The following GRIN2A variants were observed in gnomAD, a reference collection of about 807,000 sequenced individuals.
GRIN2A encodes the protein glutamate ionotropic receptor NMDA type subunit 2A, also known as glutamate receptor ionotropic, NMDA 2A.
In GRIN2A, 22 loss-of-function variants were observed where a neutral mutation model predicts 113.4. The ratio of observed to expected loss-of-function variants is 0.19; its 90% CI spans 0.14 to 0.28. The LOEUF (loss-of-function observed/expected upper bound fraction) is 0.28, where lower values mean the gene tolerates loss of function less well. GRIN2A is among the 10% of genes least tolerant of loss of function. The pLI is 1.00. For missense variants in GRIN2A, 1,502 were observed against 1,887.0 expected, an observed-to-expected ratio of 0.80 and a Z score of 3.78; for synonymous variants, 827 against 738.4, an observed-to-expected ratio of 1.12 and a Z score of -1.94.
chr16:9,804,807 C>T (rs540161177), intron 10 of GRIN2A, among the ~76,000 whole-genome samples: 8 of 152,212 alleles, frequency 5.3e-5, no homozygotes, highest in East Asian at 1.9e-4. Context: ...AGTGGCTGTG[C>T]GGGTGCCATT....
rs2141136598 is a variant in GRIN2A at position 9,764,701 on chromosome 16, G to A, written c.2843C>T (p.Ser948Phe). The change falls in exon 13 of 13, where the codon TCC (serine) becomes TTC (phenylalanine). Residue 948 changes from serine (S) to phenylalanine (F), a missense_variant. By Grantham distance (155) the Ser-to-Phe change is radical. This residue lies in a region of GRIN2A where 832 missense variants were observed against 789.7 expected (regional missense o/e 1.05). Transcript: ENST00000330684. ...AAAAATGCTCTCTTTCCCCTGAAAG[G>A]ACCTGTTGTCTGAGTACATCAAATT... ...KGNLMYSDNR[S>F]FQGKESIFGD... is the part of the protein sequence containing the mutation. 1 of 1,614,208 alleles carries A rather than the reference G, an allele frequency of 6.2e-7. No individual in the cohort carries two copies. The highest frequency in any genetic ancestry group is 8.5e-7 in the Non-Finnish European group (1 of 1,180,030).
intron 2 of GRIN2A, among the ~76,000 whole-genome samples, chr16:9,982,362 G>C (rs1386620284): frequency 2.0e-5 from 3 of 152,168 alleles, no homozygotes; most frequent in Non-Finnish European, 2.9e-5. Context: ...AGCAGGCATT[G>C]ACAATAATTG....
chr16:10,017,252 T>C (rs2046627167), intron 2 of GRIN2A, among the ~76,000 whole-genome samples: 1 of 152,088 alleles, frequency 6.6e-6, no homozygotes, highest in Non-Finnish European at 1.5e-5. Flanking sequence ...CAGATAATCA[T>C]TACACATTAA....
rs2141137691 is a variant in GRIN2A at position 9,764,829 on chromosome 16, G to A, written c.2715C>T (p.Ser905=). ...LKLLRSAKNI[S]SMSNMNSSRM... ...TTGAGGAGTTCATGTTGGACATGCT[G>A]GAAATGTTTTTGGCTGACCGGAGGA... The change falls in exon 13 of 13, where the codon TCC becomes TCT. Residue 905 remains serine, a synonymous_variant. Coordinates refer to ENST00000330684, the MANE Select transcript of GRIN2A (RefSeq NM_001134407.3). 1.2e-6 allele frequency: 2 copies of A among 1,614,202 alleles called. No individual in the cohort carries two copies. Among genetic ancestry groups the A allele is most frequent in the Non-Finnish European group, 8.5e-7 (1 of 1,180,030 alleles).
rs34847596 is a variant in GRIN2A, at chr16:9,769,451, C to CTTTTTTTTTTTTTTTTTTTT, written c.2357-382_2357-363dup. On this transcript the variant is annotated intron_variant, in intron 11 of 12. Transcript: ENST00000330684. ...CTGGTTTTGTTTTTTGGAGTTTTGT[C>CTTTTTTTTTTTTTTTTTTTT]TTTTTTTTTTTTTTTTTTTTGGTCA... Among the ~76,000 whole-genome samples, 13 of 104,862 alleles carry CTTTTTTTTTTTTTTTTTTTT rather than the reference C, an allele frequency of 1.2e-4. No individual in the cohort carries two copies. The East Asian group carries it at 1.3e-3, about 10-fold the overall frequency. 68.8% of individuals were successfully genotyped at this position (104,862 alleles called of 152,430 possible).
intron 2 of GRIN2A, among the ~76,000 whole-genome samples, chr16:10,123,061 G>T (rs1470378068): frequency 6.6e-6 from 1 of 152,176 alleles, no homozygotes; most frequent in Admixed American, 6.5e-5. Flanking sequence ...GCTAGCAATG[G>T]CAATGTTTCA....
chr16:9,873,651 A>C (rs1342640056), intron 4 of GRIN2A, among the ~76,000 whole-genome samples: 12 of 152,250 alleles, frequency 7.9e-5, no homozygotes. Flanking sequence ...AATGTTTACT[A>C]TTCTTGCAGA....
intron 4 of GRIN2A, among the ~76,000 whole-genome samples, chr16:9,887,411 T>G (rs55890250): frequency 0.032 from 4,846 of 152,292 alleles, 278 homozygotes; most frequent in African/African-American, 0.11. Flanking sequence ...TTGAACTTTA[T>G]GTAAATGGAA....
At chr16:9,890,754 G>C (rs2043676803) in intron 4 of GRIN2A, among the ~76,000 whole-genome samples, 1 of 152,166 alleles carries the variant, frequency 6.6e-6, no homozygotes. Context: ...ACTGGGATTT[G>C]AGAACAGACA....
chr16:9,969,618 T>TA (rs2045631294), intron 2 of GRIN2A, among the ~76,000 whole-genome samples: 1 of 152,192 alleles, frequency 6.6e-6, no homozygotes, highest in Non-Finnish European at 1.5e-5. Flanking sequence ...TACTCAGTGA[T>TA]ACCTCAATCC....
At chr16:10,119,163 T>C (rs2048783420) in intron 2 of GRIN2A, among the ~76,000 whole-genome samples, 1 of 152,124 alleles carries the variant, frequency 6.6e-6, no homozygotes, top group Non-Finnish European at 1.5e-5. Flanking sequence ...CATCATCCTT[T>C]GAATTACGAA....
chr16:10,175,738 T>G (rs2050129539), intron 2 of GRIN2A, among the ~76,000 whole-genome samples: 1 of 152,202 alleles, frequency 6.6e-6, no homozygotes, highest in African/African-American at 2.4e-5. Flanking sequence ...CTGGCATGGA[T>G]GGATATAGCT....
intron 4 of GRIN2A, among the ~76,000 whole-genome samples, chr16:9,888,968 A>G (rs1281101570): frequency 1.3e-5 from 2 of 152,106 alleles, no homozygotes; most frequent in Non-Finnish European, 2.9e-5. Context: ...ATGATGTATT[A>G]TCCTTTTTAA....
At chr16:9,989,743 A>G (rs184190863) in intron 2 of GRIN2A, among the ~76,000 whole-genome samples, 1 of 152,332 alleles carries the variant, frequency 6.6e-6, no homozygotes, top group Admixed American at 6.5e-5. Flanking sequence ...GACACTTCTC[A>G]AAAGAAGACA....
intron 2 of GRIN2A, among the ~76,000 whole-genome samples, chr16:10,030,534 C>A (rs2046909381): frequency 6.6e-6 from 1 of 152,192 alleles, no homozygotes; most frequent in African/African-American, 2.4e-5. Context: ...CCTGAAAACC[C>A]ACATATCCTG....
intron 5 of GRIN2A, among the ~76,000 whole-genome samples, chr16:9,849,536 C>G (rs1056532239): frequency 6.6e-6 from 1 of 152,054 alleles, no homozygotes; most frequent in Non-Finnish European, 1.5e-5. Context: ...GGCAAAACTA[C>G]TCACCTCATA....
intron 10 of GRIN2A, among the ~76,000 whole-genome samples, chr16:9,820,091 G>A (rs1426196618): frequency 1.3e-5 from 2 of 152,134 alleles, no homozygotes; most frequent in East Asian, 3.9e-4. Context: ...ATGGCTTCCA[G>A]AAACCAATTT....
intron 2 of GRIN2A, among the ~76,000 whole-genome samples, chr16:10,126,127 C>T (rs975023017): frequency 6.6e-6 from 1 of 151,754 alleles, no homozygotes; most frequent in Non-Finnish European, 1.5e-5. Flanking sequence ...GTCCCATCAA[C>T]AACATTTTTG....
chr16:9,840,353 C>T (rs759834429), intron 7 of GRIN2A, among the ~76,000 whole-genome samples: 3 of 152,190 alleles, frequency 2.0e-5, no homozygotes, highest in Admixed American at 1.3e-4. Flanking sequence ...CGTCAGATCT[C>T]ATGAGAACTC....
Sources: allele counts gnomAD v4.1 joint callset (sites outside exome capture counted in the v4.1 genomes callset), GRCh38; gene constraint gnomAD v4.1.1; regional missense constraint gnomAD v4.1.1; transcripts MANE v1.5; gene names NCBI Gene and HGNC (gene_info 2026-07-23, HGNC 2026-07-21).